AKR1C4: variants seen among roughly 807,000 people sequenced by gnomAD.
AKR1C4 encodes the protein aldo-keto reductase family 1 member C4.
A neutral mutation model predicts 41.0 loss-of-function variants in AKR1C4; 44 were observed. That is an observed-to-expected ratio of 1.07 (90% CI 0.84 to 1.38). The LOEUF is 1.38. AKR1C4 is among the 40% of genes most tolerant of loss of function. The pLI is 0.00. For synonymous variants in AKR1C4, 165 were observed against 137.7 expected (o/e 1.20, Z -1.39); for missense variants, 438 against 387.9 (o/e 1.13, Z -1.09).
chr10:5,216,705 T>C lies in AKR1C4; in HGVS notation c.847-6T>C. 1 of 1,603,056 alleles carries C rather than the reference T, an allele frequency of 6.2e-7. No homozygotes were observed. Among genetic ancestry groups the C allele is most frequent in the East Asian group, 2.2e-5 (1 of 44,794 alleles). ...TAAGAATAAACATTTTCTACTTCTT[T>C]GGTAGGTTTTTGAATTCCAGTTGAC... On this transcript the variant is annotated splice_region_variant and splice_polypyrimidine_tract_variant and intron_variant, in intron 7 of 8. Coordinates refer to ENST00000263126, the MANE Select transcript of AKR1C4 (RefSeq NM_001818.5).
chr10:5,197,358 T>C (rs1832327136), intron 1 of AKR1C4, among the ~76,000 whole-genome samples: 1 of 152,176 alleles, frequency 6.6e-6, no homozygotes, highest in Non-Finnish European at 1.5e-5. Context: ...AAAAGAAACA[T>C]TTGTGGTAAC....
In AKR1C4 at chr10:5,218,778, G is replaced by T. The variant is rs781884538; in HGVS notation, c.*18G>T. On this transcript the variant is annotated 3_prime_UTR_variant, in exon 9 of 9. Coordinates refer to ENST00000263126, the MANE Select transcript of AKR1C4 (RefSeq NM_001818.5). ...AATATTAGCATAGAGGGTGTTGCAC[G>T]ACATCTAGCAGAAGGCCCTGTGTGT... 1 of 1,599,078 alleles carries T rather than the reference G, an allele frequency of 6.3e-7. No individual in the cohort carries two copies. Among genetic ancestry groups the T allele is most frequent in the Admixed American group, 1.7e-5 (1 of 59,946 alleles).
At chr10:5,204,815 G>A (rs1272051980) in intron 3 of AKR1C4, among the ~76,000 whole-genome samples, 3 of 152,308 alleles carry the variant, frequency 2.0e-5, no homozygotes, top group African/African-American at 4.8e-5. Context: ...CCATGCAGCT[G>A]TGGTACCCCA....
rs1564404387 is a variant in AKR1C4, at chr10:5,213,190, GCA to G, written c.846+34_846+35del. 4 of 1,610,224 alleles carry G rather than the reference GCA, an allele frequency of 2.5e-6. 1 individual carries two copies. The South Asian group carries it at 3.3e-5, about 13-fold the overall frequency. On this transcript the variant is annotated intron_variant, in intron 7 of 8. Transcript: ENST00000263126. ...GAGTTGGGTGGGCATCAGGGCTCCT[GCA>G]CAGTGTCCTTCACACGTGTGCTTCT...
chr10:5,200,066 T>A, intron 1 of AKR1C4, 115 bp from the exon 2 acceptor site: 1 of 1,382,592 alleles, frequency 7.2e-7, no homozygotes, highest in Middle Eastern at 1.9e-4. Context: ...AGCGGGGGCC[T>A]GAAGAAGCGA....
At chr10:5,201,477 G>GT (rs1832400316) in intron 2 of AKR1C4, among the ~76,000 whole-genome samples, 1 of 152,108 alleles carries the variant, frequency 6.6e-6, no homozygotes, top group Non-Finnish European at 1.5e-5. Flanking sequence ...GGTGACTTGA[G>GT]TTCCTTGTAG....
intron 7 of AKR1C4, among the ~76,000 whole-genome samples, chr10:5,213,569 C>A (rs1564404492): frequency 6.6e-6 from 1 of 152,078 alleles, no homozygotes; most frequent in Non-Finnish European, 1.5e-5. Flanking sequence ...CTGTTGAAAT[C>A]TTTGGGTATT....
At chr10:5,203,354 T>C (rs1832432173) in intron 2 of AKR1C4, among the ~76,000 whole-genome samples, 1 of 152,194 alleles carries the variant, frequency 6.6e-6, no homozygotes. Context: ...TGATGTCCCC[T>C]GTGAGATAAA....
At chr10:5,208,608 T>C (rs1403743005) in intron 5 of AKR1C4, among the ~76,000 whole-genome samples, 1 of 151,546 alleles carries the variant, frequency 6.6e-6, no homozygotes, top group Non-Finnish European at 1.5e-5. Flanking sequence ...TACAGACCTT[T>C]CAAAGCATGG....
chr10:5,203,001 T>C (rs1832425750), intron 2 of AKR1C4, among the ~76,000 whole-genome samples: 1 of 150,108 alleles, frequency 6.7e-6, no homozygotes, highest in Non-Finnish European at 1.5e-5. Context: ...TTCCTGGTAT[T>C]GGTATTTGGT....
At chr10:5,202,210 A>AT (rs372027752) in intron 2 of AKR1C4, among the ~76,000 whole-genome samples, 73 of 151,806 alleles carry the variant, frequency 4.8e-4, no homozygotes, top group African/African-American at 1.7e-3. Flanking sequence ...AGTGTTTTGT[A>AT]TTTTTTTGTA....
chr10:5,206,476 G>C, intron 5 of AKR1C4, 79 bp downstream of exon 5: 3 of 1,596,846 alleles, frequency 1.9e-6, no homozygotes, highest in Admixed American at 3.4e-5. Flanking sequence ...CATTTGTTTT[G>C]TTCCACTTAC....
intron 1 of AKR1C4, among the ~76,000 whole-genome samples, chr10:5,198,299 C>T (rs1036154854): frequency 6.6e-6 from 1 of 152,282 alleles, no homozygotes; most frequent in East Asian, 1.9e-4. Context: ...AAGGAGTTAA[C>T]ACAATAGACT....
chr10:5,212,020 C>T (rs1832582948), intron 5 of AKR1C4, among the ~76,000 whole-genome samples: 1 of 152,162 alleles, frequency 6.6e-6, no homozygotes, highest in African/African-American at 2.4e-5. Context: ...CCCTGGGCCC[C>T]TCCTACAGCA....
chr10:5,196,946 C>A lies in AKR1C4; in HGVS notation c.79C>A (p.Pro27Thr), dbSNP rs1832320180. Residue 27 changes from proline to threonine, a missense_variant, in exon 1 of 9, where the codon CCA (proline) becomes ACA (threonine). Physicochemically the swap from Pro to Thr is conservative, Grantham distance 38. Transcript: ENST00000263126. ...PVLGFGTYAPPEVPRNRAVEV... is the reference protein window; with the variant it reads ...PVLGFGTYAPTEVPRNRAVEV... ...ATTGGGATTTGGCACCTATGCACCT[C>A]CAGAGGTAATAATCACATTTTCAGC... The A allele has an allele frequency of 3.7e-6, 6 of 1,613,560 alleles. No homozygotes were observed. The highest frequency in any genetic ancestry group is 5.1e-6 in the Non-Finnish European group (6 of 1,179,500).
Position 5,206,319 on chromosome 10 carries a change from G to T in AKR1C4, c.492G>T (p.Gly164=), listed in dbSNP as rs374575386. The T allele has an allele frequency of 2.5e-6, 4 of 1,613,888 alleles. No homozygotes were observed. In the African/African-American group the frequency reaches 4.0e-5, roughly 16 times the overall value. Residue 164 remains glycine, a synonymous_variant, in exon 5 of 9, where the codon GGG becomes GGT. Transcript: ENST00000263126. ...ATGCAGGATTGGCCAAGTCCATCGG[G>T]GTGTCAAACTTCAACTGCAGGCAGC... The part of the protein sequence containing the change: ...CKDAGLAKSI[G]VSNFNCRQLE...
intron 1 of AKR1C4, among the ~76,000 whole-genome samples, chr10:5,199,531 T>C (rs777271363): frequency 4.6e-5 from 7 of 151,882 alleles, no homozygotes; most frequent in Non-Finnish European, 1.0e-4. Flanking sequence ...CAGAACCGGG[T>C]GGACTTTGAG....
intron 2 of AKR1C4, among the ~76,000 whole-genome samples, chr10:5,201,246 T>C (rs935408807): frequency 6.6e-6 from 1 of 152,194 alleles, no homozygotes. Context: ...GTGTTCTCTT[T>C]TTACTACATT....
chr10:5,202,417 G>A (rs1554796994), intron 2 of AKR1C4: 1 of 449,698 alleles, frequency 2.2e-6, no homozygotes, highest in East Asian at 7.0e-5. Flanking sequence ...AGGCTTTGGG[G>A]TTTTGTAGGT....
Sources: allele counts gnomAD v4.1 joint callset (sites outside exome capture counted in the v4.1 genomes callset), GRCh38; gene constraint gnomAD v4.1.1; transcripts MANE v1.5; gene names NCBI Gene and HGNC (gene_info 2026-07-23, HGNC 2026-07-21).